Variants in HIVEP1 observed in about 807,000 individuals in gnomAD.
HIVEP1 encodes the protein zinc finger protein 40.
Under a neutral mutation model 180.0 loss-of-function variants are expected in HIVEP1, and 36 were observed. The observed-to-expected ratio is 0.20, with a 90% CI of 0.15 to 0.26. HIVEP1 has a LOEUF of 0.26. Among genes scored for constraint, HIVEP1 ranks in the 10% least tolerant of loss-of-function variants. The probability of loss-of-function intolerance (pLI) is 1.00; values close to 1 mark genes in which losing one functional copy is unlikely to be tolerated. For synonymous variants in HIVEP1, 1,239 were observed against 1,239.0 expected (o/e 1.00, Z 0.00); for missense variants, 3,143 against 3,268.7 (o/e 0.96, Z 0.94).
chr6:12,164,397 C>A lies in HIVEP1; in HGVS notation c.8093C>A (p.Pro2698His). Residue 2698 changes from proline (P) to histidine (H), a missense_variant, in exon 9 of 9, where the codon CCC becomes CAC. By Grantham distance (77) the Pro-to-His change is moderately conservative. Coordinates refer to ENST00000379388, the MANE Select transcript of HIVEP1 (RefSeq NM_002114.4). ...PRPTALPRRQ[P>H]TVHFSDVSSD... ...CCCACAGCACTACCGCGGAGGCAGC[C>A]CACTGTGCACTTCAGCGACGTGAGC... The A allele has an allele frequency of 6.2e-7, 1 of 1,614,128 alleles. No individual in the cohort carries two copies. Among genetic ancestry groups the A allele is most frequent in the East Asian group, 2.2e-5 (1 of 44,880 alleles).
chr6:12,155,603 G>A (rs1759990565), intron 7 of HIVEP1, among the ~76,000 whole-genome samples: 1 of 152,154 alleles, frequency 6.6e-6, no homozygotes, highest in African/African-American at 2.4e-5. Context: ...TCTTTTTGAT[G>A]ACTGCAGAGT....
At chr6:12,066,010 G>T (rs1294697008) in intron 2 of HIVEP1, among the ~76,000 whole-genome samples, 2 of 152,160 alleles carry the variant, frequency 1.3e-5, no homozygotes, top group Non-Finnish European at 2.9e-5. Flanking sequence ...TCCCAGGCAG[G>T]TGTAAAGGAA....
At chr6:12,102,829 C>T (rs897677840) in intron 3 of HIVEP1, among the ~76,000 whole-genome samples, 2 of 152,090 alleles carry the variant, frequency 1.3e-5, no homozygotes, top group African/African-American at 4.8e-5. Flanking sequence ...ACTTTTAGTA[C>T]AGAAATACAC....
intron 5 of HIVEP1, 44 bp from the exon 6 acceptor site, chr6:12,130,723 G>A (rs771199484): frequency 7.4e-6 from 8 of 1,087,710 alleles, no homozygotes; most frequent in Non-Finnish European, 9.3e-6. Flanking sequence ...TTTCTCAGAG[G>A]CATAGTGTCC....
chr6:12,033,636 T>G (rs1418609327), intron 2 of HIVEP1, among the ~76,000 whole-genome samples: 3 of 152,210 alleles, frequency 2.0e-5, no homozygotes, highest in Non-Finnish European at 2.9e-5. Context: ...CTCCAGTATG[T>G]CCAAACCCTC....
intron 8 of HIVEP1, among the ~76,000 whole-genome samples, chr6:12,162,419 C>A (rs1760466254): frequency 1.3e-5 from 2 of 152,164 alleles, no homozygotes. Context: ...CCCGAAAACA[C>A]ATCAAGAAGT....
chr6:12,091,508 T>G (rs571066227), intron 3 of HIVEP1, among the ~76,000 whole-genome samples: 1 of 152,218 alleles, frequency 6.6e-6, no homozygotes, highest in Non-Finnish European at 1.5e-5. Context: ...AGCATAGTAG[T>G]AGGCTCTTAA....
At position 12,121,619 on chromosome 6, in the gene HIVEP1, G is replaced by A. The variant is rs887069230; in HGVS notation, c.1824G>A (p.Met608Ile). 2 of 1,614,142 alleles carry A rather than the reference G, an allele frequency of 1.2e-6. No homozygotes were observed. Among genetic ancestry groups the A allele is most frequent in the Non-Finnish European group, 1.7e-6 (2 of 1,180,016 alleles). ...ACGTACAGCCACTTTCAGCCAACAT[G>A]TCCCAGGGTGGAGTCTCCAGGTTGG... ...VTNVQPLSAN[M>I]SQGGVSRLET... The change falls in exon 4 of 9, where the codon ATG (methionine) becomes ATA (isoleucine). Residue 608 changes from methionine (M) to isoleucine (I), a missense_variant. Met to Ile is a conservative substitution (Grantham distance 10, BLOSUM62 1). Around this residue, in one of 12 missense-constraint regions of HIVEP1, gnomAD observed 365 missense variants for 344.4 expected, o/e 1.06. Transcript: ENST00000379388. This position sits in a 1 kb window ranked among gnomAD's most constrained non-coding sequence, Gnocchi z 5.3.
At position 12,163,487 on chromosome 6, in the gene HIVEP1, C is replaced by A. The variant is rs752563886; in HGVS notation, c.7183C>A (p.Pro2395Thr). The change falls in exon 9 of 9, where the codon CCT becomes ACT. Residue 2395 changes from proline (P) to threonine (T), a missense_variant. Physicochemically the swap from Pro to Thr is conservative, Grantham distance 38. This residue lies in a region of HIVEP1 where 595 missense variants were observed against 602.2 expected (regional missense o/e 0.99). Coordinates refer to ENST00000379388, the MANE Select transcript of HIVEP1 (RefSeq NM_002114.4). ...PLHSQQQSRT[P>T]YNMVPVGGIH... ...GCATTCCCAGCAGCAATCGAGGACA[C>A]CTTATAATATGGTTCCAGTTGGGGG... 6.2e-7 allele frequency: 1 copy of A among 1,614,178 alleles called. No individual in the cohort carries two copies. The highest frequency in any genetic ancestry group is 2.2e-5 in the East Asian group (1 of 44,880).
chr6:12,024,458 G>A (rs1768451714), intron 2 of HIVEP1, among the ~76,000 whole-genome samples: 1 of 152,130 alleles, frequency 6.6e-6, no homozygotes, highest in Non-Finnish European at 1.5e-5. Context: ...CGATTTAAGA[G>A]TTACACCTAC....
chr6:12,017,039 C>G (rs182152379), intron 2 of HIVEP1, among the ~76,000 whole-genome samples: 1 of 152,180 alleles, frequency 6.6e-6, no homozygotes. Flanking sequence ...GTTGAAGGAA[C>G]GAGTGCATGA....
intron 1 of HIVEP1, among the ~76,000 whole-genome samples, chr6:12,014,374 ATTTT>A (rs35720756): frequency 2.6e-5 from 4 of 151,736 alleles, no homozygotes; most frequent in African/African-American, 7.3e-5. Flanking sequence ...TACTTATCCA[ATTTT>A]TTTTTAATCT....
intron 3 of HIVEP1, among the ~76,000 whole-genome samples, chr6:12,118,184 TA>T: frequency 6.6e-6 from 1 of 151,628 alleles, no homozygotes; most frequent in East Asian, 1.9e-4. Flanking sequence ...TTTAATGGAA[TA>T]GTATGCATTT....
At chr6:12,166,110 G>T (rs1419293384), downstream of HIVEP1, among the ~76,000 whole-genome samples, 1 of 152,262 alleles carries the variant, frequency 6.6e-6, no homozygotes, top group East Asian at 1.9e-4. Flanking sequence ...TAGGGATTGC[G>T]TTGCCCTATC....
At position 12,163,359 on chromosome 6, in the gene HIVEP1, C is replaced by T. The variant is rs1293143853; in HGVS notation, c.7055C>T (p.Ala2352Val). Residue 2352 changes from alanine to valine, a missense_variant, in exon 9 of 9, where the codon GCC becomes GTC. By Grantham distance (64) the Ala-to-Val change is moderately conservative. This residue lies in a region of HIVEP1 where 595 missense variants were observed against 602.2 expected (regional missense o/e 0.99). Transcript: ENST00000379388. ...PQTAAGMPSVASPHPDPQEQK... is the reference protein window; with the variant it reads ...PQTAAGMPSVVSPHPDPQEQK... Reference sequence around the variant, plus strand: ...ACAGCAGCGGGGATGCCTTCTGTGGCCTCACCACATCCTGACCCTCAAGAA... The same window carrying T: ...ACAGCAGCGGGGATGCCTTCTGTGGTCTCACCACATCCTGACCCTCAAGAA... The T allele has an allele frequency of 1.9e-6, 3 of 1,614,070 alleles. No individual in the cohort carries two copies. Among genetic ancestry groups the T allele is most frequent in the Non-Finnish European group, 2.5e-6 (3 of 1,180,038 alleles).
chr6:12,064,137 G>A (rs1771409427), intron 2 of HIVEP1, among the ~76,000 whole-genome samples: 1 of 151,920 alleles, frequency 6.6e-6, no homozygotes, highest in South Asian at 2.1e-4. Context: ...ATAATTCATT[G>A]GACACCAAAT....
intron 3 of HIVEP1, among the ~76,000 whole-genome samples, chr6:12,110,609 A>C (rs2327512): frequency 0.18 from 27,266 of 152,188 alleles, 2,945 homozygotes; most frequent in East Asian, 0.47. Context: ...GAAGAGAGTT[A>C]GGGCCTTTCT....
chr6:12,045,892 G>A (rs1483269311), intron 2 of HIVEP1, among the ~76,000 whole-genome samples: 1 of 152,166 alleles, frequency 6.6e-6, no homozygotes, highest in Non-Finnish European at 1.5e-5. Flanking sequence ...GCCAATAATT[G>A]TCTTTATGCT....
At chr6:12,111,996 G>A (rs530477425) in intron 3 of HIVEP1, among the ~76,000 whole-genome samples, 1 of 152,154 alleles carries the variant, frequency 6.6e-6, no homozygotes, top group African/African-American at 2.4e-5. Context: ...AATTCTTAAA[G>A]TTCTTTTTAT....
Sources: allele counts gnomAD v4.1 joint callset (sites outside exome capture counted in the v4.1 genomes callset), GRCh38; gene constraint gnomAD v4.1.1; regional missense constraint gnomAD v4.1.1; non-coding constraint Gnocchi (gnomAD v3.1); transcripts MANE v1.5; gene names NCBI Gene and HGNC (gene_info 2026-07-23, HGNC 2026-07-21).